The following GGACT variants were observed in gnomAD, a reference collection of about 807,000 sequenced individuals.
GGACT encodes gamma-glutamylamine cyclotransferase, also known as gamma-glutamylaminecyclotransferase.
For synonymous variants in GGACT, 118 were observed against 115.3 expected (o/e 1.02, Z -0.15); for missense variants, 241 against 233.2 (o/e 1.03, Z -0.22).
chr13:100,587,923 G>T (rs542051653), intron 1 of GGACT, among the ~76,000 whole-genome samples: 5 of 152,210 alleles, frequency 3.3e-5, no homozygotes, highest in Non-Finnish European at 5.9e-5. Flanking sequence ...CTACCCGGGA[G>T]ACTGAGGCAG....
intron 2 of GGACT, among the ~76,000 whole-genome samples, chr13:100,568,823 A>G (rs1468566939): frequency 9.2e-5 from 14 of 152,372 alleles, no homozygotes; most frequent in Non-Finnish European, 5.9e-5. Context: ...CTTACATACA[A>G]TGAAGGTACA....
At chr13:100,586,470 C>G (rs1875577765) in intron 1 of GGACT, among the ~76,000 whole-genome samples, 1 of 152,026 alleles carries the variant, frequency 6.6e-6, no homozygotes, top group Non-Finnish European at 1.5e-5. Flanking sequence ...CCTTGCTTTC[C>G]AGGCACCCCC....
intron 2 of GGACT, among the ~76,000 whole-genome samples, chr13:100,562,868 C>G (rs2088777648): frequency 1.3e-5 from 2 of 151,958 alleles, no homozygotes; most frequent in African/African-American, 4.8e-5. Context: ...TTTCTTGACT[C>G]CAGAGTTCAA....
chr13:100,560,181 A>G (rs2088746948), intron 2 of GGACT, among the ~76,000 whole-genome samples: 1 of 152,158 alleles, frequency 6.6e-6, no homozygotes, highest in African/African-American at 2.4e-5. Context: ...TCGTGATTAC[A>G]TGAGTATATA....
intron 2 of GGACT, among the ~76,000 whole-genome samples, chr13:100,556,635 A>G (rs916419326): frequency 2.6e-5 from 4 of 152,096 alleles, no homozygotes; most frequent in Non-Finnish European, 2.9e-5. Context: ...TAAAATTTAT[A>G]TAAAAGGTAA....
At chr13:100,542,655 C>T (rs1566530268) in intron 2 of GGACT, among the ~76,000 whole-genome samples, 1 of 152,180 alleles carries the variant, frequency 6.6e-6, no homozygotes, top group African/African-American at 2.4e-5. Context: ...GCATCCTCCA[C>T]TCTGGAAATC....
intron 2 of GGACT, among the ~76,000 whole-genome samples, chr13:100,580,322 C>A (rs1196102422): frequency 1.3e-5 from 2 of 152,176 alleles, no homozygotes; most frequent in Admixed American, 1.3e-4. Flanking sequence ...TACACGGGCC[C>A]TGAATCCAAT....
At chr13:100,533,121 C>T (rs1412863226) in intron 2 of GGACT, among the ~76,000 whole-genome samples, 2 of 152,234 alleles carry the variant, frequency 1.3e-5, no homozygotes, top group Non-Finnish European at 1.5e-5. Context: ...TGCGCAGCCT[C>T]CCCGACTCCC....
intron 1 of GGACT, among the ~76,000 whole-genome samples, chr13:100,585,890 A>T (rs973522383): frequency 6.7e-6 from 1 of 149,738 alleles, no homozygotes; most frequent in Admixed American, 6.7e-5. Context: ...TGTAATCCCA[A>T]CTACTCAGGA....
Position 100,573,548 on chromosome 13 carries a change from T to A in GGACT, c.-11+10277A>T, listed in dbSNP as rs117926553. Among the ~76,000 whole-genome samples the A allele has an allele frequency of 1.3e-3, 192 of 152,314 alleles. 1 individual carries two copies. The East Asian group carries it at 0.036, about 29-fold the overall frequency. ...TTTGTTTGTTTTGAGAGATGGGGTC[T>A]CAGTATGTTTCCTAGGCTGGTCTCA... On this transcript the variant is annotated intron_variant, in intron 2 of 2. Coordinates refer to ENST00000683975, the MANE Select transcript of GGACT (RefSeq NM_001195087.2).
chr13:100,574,510 A>T (rs556036838), intron 2 of GGACT, among the ~76,000 whole-genome samples: 9 of 152,342 alleles, frequency 5.9e-5, no homozygotes, highest in African/African-American at 2.2e-4. Context: ...TGGGAGGCAG[A>T]GGTTGCAGTG....
At chr13:100,572,395 G>GA (rs1875114639) in intron 2 of GGACT, among the ~76,000 whole-genome samples, 1 of 152,202 alleles carries the variant, frequency 6.6e-6, no homozygotes, top group Admixed American at 6.5e-5. Flanking sequence ...GGAGCTGGGG[G>GA]ACGGGGAAAA....
chr13:100,557,120 G>A (rs1169546699), intron 2 of GGACT, among the ~76,000 whole-genome samples: 2 of 152,332 alleles, frequency 1.3e-5, no homozygotes, highest in East Asian at 3.9e-4. Context: ...CAAACTCCTA[G>A]CCTTAAGTGA....
At chr13:100,533,348 C>A (rs2088444693) in intron 2 of GGACT, 1 of 152,556 alleles carries the variant, frequency 6.6e-6, no homozygotes, top group East Asian at 1.9e-4. Context: ...GGCAAGGCCG[C>A]CACCCTCTAG....
chr13:100,571,092 G>C (rs1016544260), intron 2 of GGACT, among the ~76,000 whole-genome samples: 9 of 152,120 alleles, frequency 5.9e-5, no homozygotes, highest in African/African-American at 2.2e-4. Flanking sequence ...GGGAAGCAGA[G>C]AGCAGTGACA....
intron 2 of GGACT, among the ~76,000 whole-genome samples, chr13:100,557,757 G>A (rs183413434): frequency 2.0e-5 from 3 of 152,136 alleles, no homozygotes; most frequent in Admixed American, 1.3e-4. Flanking sequence ...CAAAAGACTC[G>A]GGTGAGTAAA....
At chr13:100,558,584 T>C (rs951770237) in intron 2 of GGACT, among the ~76,000 whole-genome samples, 9 of 152,328 alleles carry the variant, frequency 5.9e-5, no homozygotes, top group African/African-American at 2.2e-4. Context: ...GGAAAGCAGT[T>C]TGACAGTGTC....
At chr13:100,543,197 CTT>C (rs147710327) in intron 2 of GGACT, among the ~76,000 whole-genome samples, 7 of 69,900 alleles carry the variant, frequency 1.0e-4, no homozygotes, top group African/African-American at 3.1e-4. Context: ...AAGACACCAG[CTT>C]TTTTTTTTTT....
intron 2 of GGACT, among the ~76,000 whole-genome samples, chr13:100,558,583 T>C (rs1217169181): frequency 6.6e-6 from 1 of 152,212 alleles, no homozygotes; most frequent in Non-Finnish European, 1.5e-5. Flanking sequence ...TGGAAAGCAG[T>C]TTGACAGTGT....
Sources: gnomAD v4.1 joint callset for allele counts (sites outside exome capture counted in the v4.1 genomes callset) on GRCh38, gnomAD v4.1.1 for gene constraint, MANE v1.5 for transcripts, NCBI Gene and HGNC (gene_info 2026-07-23, HGNC 2026-07-21) for gene names.